Variants in DNAH12 observed in about 807,000 individuals in gnomAD.
The protein encoded by DNAH12 is dynein axonemal heavy chain 12.
In DNAH12, 285 loss-of-function variants were observed where a neutral mutation model predicts 371.5. That is an observed-to-expected ratio of 0.77 (90% CI 0.70 to 0.85). The LOEUF is 0.85. DNAH12 is among the 40% of genes least tolerant of loss of function. The pLI, the probability that DNAH12 is intolerant of heterozygous loss-of-function variation, is 0.00. For synonymous variants in DNAH12, 1,200 were observed against 1,213.0 expected (o/e 0.99, Z 0.22); for missense variants, 3,611 against 3,689.4 (o/e 0.98, Z 0.55).
intron 12 of DNAH12, among the ~76,000 whole-genome samples, chr3:57,486,990 A>T (rs1304680102): frequency 6.6e-6 from 1 of 152,190 alleles, no homozygotes; most frequent in Non-Finnish European, 1.5e-5. Flanking sequence ...AAATACCAGG[A>T]AAAGAGATTC....
At chr3:57,515,897 A>T (rs1384885203) in intron 4 of DNAH12, among the ~76,000 whole-genome samples, 1 of 151,780 alleles carries the variant, frequency 6.6e-6, no homozygotes, top group Non-Finnish European at 1.5e-5. Flanking sequence ...CGTATGTCTA[A>T]AATTATTTTG....
chr3:57,453,801 C>T (rs543651689), intron 23 of DNAH12, among the ~76,000 whole-genome samples: 20 of 152,054 alleles, frequency 1.3e-4, no homozygotes, highest in African/African-American at 3.6e-4. Flanking sequence ...TCTCGAACCC[C>T]GACCTCAAGT....
At chr3:57,381,871 A>ATTTTTT (rs1319701297) in intron 50 of DNAH12, among the ~76,000 whole-genome samples, 5 of 128,158 alleles carry the variant, frequency 3.9e-5, no homozygotes, top group Non-Finnish European at 5.5e-5. Flanking sequence ...AACCATATAT[A>ATTTTTT]TATATTTTTT....
chr3:57,327,150 A>G (rs2061969325), intron 62 of DNAH12, among the ~76,000 whole-genome samples: 1 of 152,116 alleles, frequency 6.6e-6, no homozygotes, highest in African/African-American at 2.4e-5. Context: ...AGACAGATCA[A>G]CGAGACAGAA....
intron 30 of DNAH12, among the ~76,000 whole-genome samples, 177 bp downstream of exon 30, chr3:57,436,774 G>C (rs950480814): frequency 3.3e-5 from 5 of 152,154 alleles, no homozygotes; most frequent in African/African-American, 1.2e-4. Flanking sequence ...AACCCTTGTT[G>C]GACATGTAGT....
At chr3:57,535,672 A>G (rs1168358648) in intron 2 of DNAH12, among the ~76,000 whole-genome samples, 1 of 131,476 alleles carries the variant, frequency 7.6e-6, no homozygotes, top group Non-Finnish European at 1.6e-5. Context: ...CCTCCCGAGT[A>G]GCTGGGATTA....
At chr3:57,421,273 A>G (rs972743641) in intron 36 of DNAH12, among the ~76,000 whole-genome samples, 4 of 152,210 alleles carry the variant, frequency 2.6e-5, no homozygotes, top group Non-Finnish European at 5.9e-5. Context: ...TGTTTAAAAA[A>G]TGCTTTGGGG....
intron 38 of DNAH12, among the ~76,000 whole-genome samples, chr3:57,415,106 C>T (rs137958537): frequency 6.6e-6 from 1 of 151,730 alleles, no homozygotes; most frequent in African/African-American, 2.4e-5. Context: ...GGTCTCCCCA[C>T]CCCTGCCCCA....
At chr3:57,373,380 A>G (rs1440481649) in intron 55 of DNAH12, among the ~76,000 whole-genome samples, 1 of 151,468 alleles carries the variant, frequency 6.6e-6, no homozygotes, top group Non-Finnish European at 1.5e-5. Context: ...CAGTGGCGCA[A>G]TCTTGGCTCA....
chr3:57,503,930 T>C (rs1351044778), intron 9 of DNAH12, 86 bp downstream of exon 9: 5 of 1,049,090 alleles, frequency 4.8e-6, no homozygotes, highest in Non-Finnish European at 6.6e-6. Context: ...ACAGAAAGAG[T>C]CATAACATTG....
At chr3:57,435,377 A>ACCC (rs1559655632) in intron 30 of DNAH12, among the ~76,000 whole-genome samples, 17 of 149,472 alleles carry the variant, frequency 1.1e-4, no homozygotes, top group African/African-American at 4.2e-4. Context: ...GTCTCCCAAA[A>ACCC]AAAAAAAAAA....
intron 4 of DNAH12, among the ~76,000 whole-genome samples, chr3:57,516,358 G>C (rs558432565): frequency 2.9e-4 from 44 of 152,068 alleles, no homozygotes; most frequent in African/African-American, 9.6e-4. Flanking sequence ...CACCATGCCC[G>C]GCCCATGTAC....
chr3:57,472,462 A>T (rs2066393835), intron 14 of DNAH12, 84 bp downstream of exon 14: 1 of 1,472,482 alleles, frequency 6.8e-7, no homozygotes, highest in South Asian at 1.3e-5. Context: ...TTAAAGTTAG[A>T]TGGCCAGGAG....
intron 39 of DNAH12, among the ~76,000 whole-genome samples, chr3:57,412,361 T>C (rs1339200876): frequency 2.6e-5 from 4 of 152,180 alleles, no homozygotes; most frequent in African/African-American, 9.6e-5. Context: ...TCCTAGGAGA[T>C]AGCAAAGGAG....
intron 14 of DNAH12, among the ~76,000 whole-genome samples, chr3:57,472,324 T>C (rs537855953): frequency 1.3e-5 from 2 of 152,324 alleles, no homozygotes; most frequent in South Asian, 2.1e-4. Flanking sequence ...TATATAATAG[T>C]TCTGACTTTC....
chr3:57,361,235 GC>G (rs2062920460), intron 58 of DNAH12, among the ~76,000 whole-genome samples: 1 of 151,258 alleles, frequency 6.6e-6, no homozygotes, highest in African/African-American at 2.4e-5. Context: ...TGTAATCCCA[GC>G]TACTCAGGAG....
intron 69 of DNAH12, among the ~76,000 whole-genome samples, chr3:57,302,546 TATATATATATA>T (rs1559535242): frequency 1.8e-4 from 17 of 94,926 alleles, no homozygotes; most frequent in Non-Finnish European, 3.1e-4. Flanking sequence ...TATATATATA[TATATATATATA>T]TATATATGTA....
chr3:57,429,130 T>C (rs2064874507), intron 33 of DNAH12, among the ~76,000 whole-genome samples: 1 of 152,044 alleles, frequency 6.6e-6, no homozygotes, highest in Admixed American at 6.6e-5. Context: ...TTACCTTCCA[T>C]GGTGCTCCTC....
At chr3:57,368,540 G>C (rs1411838126) in intron 55 of DNAH12, among the ~76,000 whole-genome samples, 1 of 151,952 alleles carries the variant, frequency 6.6e-6, no homozygotes, top group East Asian at 1.9e-4. Flanking sequence ...AGGACCTTGT[G>C]AATCTACGAG....
Sources: gnomAD v4.1 joint callset for allele counts (sites outside exome capture counted in the v4.1 genomes callset) on GRCh38, gnomAD v4.1.1 for gene constraint, MANE v1.5 for transcripts, NCBI Gene and HGNC (gene_info 2026-07-23, HGNC 2026-07-21) for gene names.